The following PIK3C2A variants were observed in gnomAD, a reference collection of about 807,000 sequenced individuals.
PIK3C2A encodes the protein phosphatidylinositol 4-phosphate 3-kinase C2 domain-containing subunit alpha.
Under a neutral mutation model 204.5 loss-of-function variants are expected in PIK3C2A, and 97 were observed. The observed-to-expected ratio is 0.47, with a 90% CI of 0.40 to 0.56. The LOEUF is 0.56. Among genes scored for constraint, PIK3C2A ranks in the 20% least tolerant of loss-of-function variants. The probability of loss-of-function intolerance (pLI) is 0.00; values close to 1 mark genes in which losing one functional copy is unlikely to be tolerated. For missense variants in PIK3C2A, 1,735 were observed against 1,969.2 expected (o/e 0.88, Z 2.25); for synonymous variants, 653 against 664.4 (o/e 0.98, Z 0.26).
intron 1 of PIK3C2A, among the ~76,000 whole-genome samples, chr11:17,173,693 AT>A (rs1851249152): frequency 6.6e-6 from 1 of 152,234 alleles, no homozygotes; most frequent in Non-Finnish European, 1.5e-5. Context: ...ACAGACTAAA[AT>A]AAGCTTAAGT....
intron 8 of PIK3C2A, among the ~76,000 whole-genome samples, chr11:17,138,483 T>C (rs866799698): frequency 4.6e-5 from 7 of 152,194 alleles, no homozygotes; most frequent in Admixed American, 6.5e-5. Context: ...GTGAGAGCCA[T>C]ACTCTCTTCA....
In PIK3C2A at chr11:17,169,591, T is replaced by C. The variant is rs762628419; in HGVS notation, c.151A>G (p.Asn51Asp). The stretch of plus-strand genomic sequence containing the variant: ...CTTGACAACTCAAAGCCTCTCTGAT[T>C]GTCAGTCACTTGTCTATCCTTTTGC... ...KLQKDRQVTD[N>D]QRGFELSSST... Residue 51 changes from asparagine (N) to aspartate (D), a missense_variant, in exon 2 of 33, where the codon AAT becomes GAT. Transcript: ENST00000691414. 1.2e-6 allele frequency: 2 copies of C among 1,614,150 alleles called. No homozygotes were observed. The highest frequency in any genetic ancestry group is 1.7e-6 in the Non-Finnish European group (2 of 1,180,026).
At chr11:17,114,284 TTAA>T (rs1849103131) in intron 20 of PIK3C2A, 74 bp downstream of exon 20, 1 of 775,286 alleles carries the variant, frequency 1.3e-6, no homozygotes, top group African/African-American at 1.7e-5. Flanking sequence ...TTCATTTGCC[TTAA>T]GCATACCTGC....
chr11:17,129,546 T>A (rs1055447484), intron 12 of PIK3C2A, 79 bp from the exon 13 acceptor site: 1 of 837,336 alleles, frequency 1.2e-6, no homozygotes, highest in Non-Finnish European at 1.9e-6. Context: ...AGACTGACAA[T>A]TTTAGGTATT....
At chr11:17,188,786 C>T (rs2137544872) in intron 1 of PIK3C2A, among the ~76,000 whole-genome samples, 1 of 147,162 alleles carries the variant, frequency 6.8e-6, no homozygotes, top group African/African-American at 2.7e-5. Flanking sequence ...AGGCAGTTAT[C>T]TTCCAAAGGA....
Position 17,092,141 on chromosome 11 carries a change from C to T in PIK3C2A, c.4569+18G>A. ...CAAAAGGTATAAGATGTTATTACTT[C>T]TCATTTAGTAAGGTTACCTCTGCTA... On this transcript the variant is annotated intron_variant, in intron 29 of 32. Coordinates refer to ENST00000691414, the MANE Select transcript of PIK3C2A (RefSeq NM_002645.4). The T allele has an allele frequency of 6.7e-7, 1 of 1,488,338 alleles. No homozygotes were observed. The highest frequency in any genetic ancestry group is 9.4e-7 in the Non-Finnish European group (1 of 1,065,652). The allele number at this position is 1,488,338 out of a possible 1,614,324, so 92.2% of individuals were successfully genotyped here.
chr11:17,183,045 T>C (rs925271515), intron 1 of PIK3C2A, among the ~76,000 whole-genome samples: 4 of 152,168 alleles, frequency 2.6e-5, no homozygotes, highest in African/African-American at 9.7e-5. Context: ...TTGCCATGCA[T>C]GTTGCCCAGG....
chr11:17,201,788 A>ATTTTTT (rs1443003451), intron 1 of PIK3C2A, among the ~76,000 whole-genome samples: 1 of 152,034 alleles, frequency 6.6e-6, no homozygotes, highest in South Asian at 2.1e-4. Flanking sequence ...CCCGTAACAA[A>ATTTTTT]TTTTTTTAAA....
At chr11:17,186,484 A>G (rs1162418486) in intron 1 of PIK3C2A, among the ~76,000 whole-genome samples, 2 of 152,222 alleles carry the variant, frequency 1.3e-5, no homozygotes, top group Admixed American at 1.3e-4. Context: ...AAATAGGTGA[A>G]ATTAATATGG....
intron 1 of PIK3C2A, among the ~76,000 whole-genome samples, chr11:17,173,307 C>T (rs544778885): frequency 2.0e-5 from 3 of 152,288 alleles, no homozygotes; most frequent in South Asian, 4.2e-4. Context: ...CCATCCACTC[C>T]AGAGGATCCA....
At chr11:17,194,102 G>T in intron 1 of PIK3C2A, 1 of 577,020 alleles carries the variant, frequency 1.7e-6, no homozygotes, top group Non-Finnish European at 2.6e-6. Flanking sequence ...GATCCCAAAG[G>T]GTGTCAGCAG....
intron 1 of PIK3C2A, among the ~76,000 whole-genome samples, chr11:17,191,959 CCTG>C (rs940822060): frequency 6.7e-6 from 1 of 150,184 alleles, no homozygotes; most frequent in African/African-American, 2.5e-5. Flanking sequence ...ATAAGGAAAC[CCTG>C]CTTCTACTAA....
intron 1 of PIK3C2A, among the ~76,000 whole-genome samples, chr11:17,188,177 A>C (rs1348666152): frequency 6.6e-6 from 1 of 151,324 alleles, no homozygotes; most frequent in Non-Finnish European, 1.5e-5. Flanking sequence ...ATCTCTACTA[A>C]AAATACAAAA....
rs936702097 is a variant in PIK3C2A, at chr11:17,089,679, G to A, written c.*59C>T. On this transcript the variant is annotated 3_prime_UTR_variant, in exon 33 of 33. Coordinates refer to ENST00000691414, the MANE Select transcript of PIK3C2A (RefSeq NM_002645.4). ...TGTGTGTGTGTGTCTGTGTGTGTGT[G>A]CATGTATGCATGCACGTTTATAACT... 5.1e-6 allele frequency: 5 copies of A among 986,052 alleles called. No individual in the cohort carries two copies. The highest frequency in any genetic ancestry group is 7.9e-6 in the Non-Finnish European group (5 of 630,624). 61.1% of individuals were successfully genotyped at this position (986,052 alleles called of 1,614,324 possible).
At chr11:17,145,829 T>C (rs200713956) in intron 7 of PIK3C2A, 34 bp downstream of exon 7, 853 of 1,597,044 alleles carry the variant, frequency 5.3e-4, no homozygotes, top group Middle Eastern at 2.3e-3. Flanking sequence ...AAACAAAGTC[T>C]GAAAACCTGC....
rs545996271 is a variant in PIK3C2A, at chr11:17,121,579, T to C, written c.2657+609A>G. On this transcript the variant is annotated intron_variant, in intron 15 of 32. Transcript: ENST00000691414. ...GCCAAATTGCTCTCCAAAGGAGACATAGCTTTTTATACTTCTGCAAATAGT... is the reference window on the plus strand; with the variant it reads ...GCCAAATTGCTCTCCAAAGGAGACACAGCTTTTTATACTTCTGCAAATAGT... Among the ~76,000 whole-genome samples, 22 of 152,300 alleles carry C rather than the reference T, an allele frequency of 1.4e-4. No homozygotes were observed. In the East Asian group the frequency reaches 3.3e-3, roughly 23 times the overall value.
chr11:17,160,015 C>T (rs968607657), intron 2 of PIK3C2A, among the ~76,000 whole-genome samples: 28 of 152,134 alleles, frequency 1.8e-4, no homozygotes, highest in African/African-American at 6.8e-4. Flanking sequence ...TCCAGCTGAC[C>T]AATTCAAACA....
chr11:17,132,421 C>T (rs1220295452), intron 11 of PIK3C2A, among the ~76,000 whole-genome samples: 4 of 150,610 alleles, frequency 2.7e-5, no homozygotes, highest in African/African-American at 9.7e-5. Context: ...GCTCTGCTTC[C>T]CGGGTTCACG....
intron 2 of PIK3C2A, among the ~76,000 whole-genome samples, chr11:17,166,341 T>G (rs1850947562): frequency 6.6e-6 from 1 of 152,186 alleles, no homozygotes. Context: ...AAAAAGCATG[T>G]AAGTTCTTGG....
Sources: allele counts gnomAD v4.1 joint callset (sites outside exome capture counted in the v4.1 genomes callset), GRCh38; gene constraint gnomAD v4.1.1; transcripts MANE v1.5; gene names NCBI Gene and HGNC (gene_info 2026-07-23, HGNC 2026-07-21).